FAT3: variants seen among roughly 807,000 people sequenced by gnomAD.
The protein encoded by FAT3 is protocadherin Fat 3.
In FAT3, 95 loss-of-function variants were observed where a neutral mutation model predicts 310.2. That is an observed-to-expected ratio of 0.31 (90% CI 0.26 to 0.36). The LOEUF (loss-of-function observed/expected upper bound fraction) is 0.36, where lower values mean the gene tolerates loss of function less well. FAT3 is among the 10% of genes least tolerant of loss of function. The pLI, the probability that FAT3 is intolerant of heterozygous loss-of-function variation, is 1.00. For synonymous variants in FAT3, 2,314 were observed against 2,192.9 expected, an observed-to-expected ratio of 1.06 and a Z score of -1.54; for missense variants, 5,408 against 5,715.6, an observed-to-expected ratio of 0.95 and a Z score of 1.74.
chr11:92,409,106 T>C (rs1409540066), intron 2 of FAT3, among the ~76,000 whole-genome samples: 1 of 152,238 alleles, frequency 6.6e-6, no homozygotes, highest in Non-Finnish European at 1.5e-5. Flanking sequence ...TCTCTGGGCT[T>C]TCTTCTCGTG....
chr11:92,856,999 T>C (rs1397521467), intron 19 of FAT3, among the ~76,000 whole-genome samples: 1 of 152,204 alleles, frequency 6.6e-6, no homozygotes, highest in East Asian at 1.9e-4. Context: ...GCAGTGAAAT[T>C]TGGCAGATGT....
intron 3 of FAT3, among the ~76,000 whole-genome samples, chr11:92,567,557 G>A (rs1427552487): frequency 1.3e-5 from 2 of 151,042 alleles, no homozygotes; most frequent in African/African-American, 2.4e-5. Flanking sequence ...AAGGACTATA[G>A]ATCATGCTGC....
intron 1 of FAT3, among the ~76,000 whole-genome samples, chr11:92,255,933 A>C (rs1344164056): frequency 6.6e-6 from 1 of 152,172 alleles, no homozygotes; most frequent in Non-Finnish European, 1.5e-5. Context: ...TCATTGCCCA[A>C]AGAGTCGAAA....
chr11:92,817,854 A>G (rs1947862377), intron 13 of FAT3, among the ~76,000 whole-genome samples: 1 of 152,194 alleles, frequency 6.6e-6, no homozygotes, highest in Non-Finnish European at 1.5e-5. Context: ...CTTCTGACAC[A>G]TCTCGCCTTT....
chr11:92,570,856 T>C (rs576715849), intron 3 of FAT3, among the ~76,000 whole-genome samples: 2 of 152,280 alleles, frequency 1.3e-5, no homozygotes, highest in South Asian at 4.1e-4. Flanking sequence ...GAGCAAGATA[T>C]GATTTCAGTG....
At chr11:92,273,084 A>G (rs1946171404) in intron 1 of FAT3, among the ~76,000 whole-genome samples, 2 of 152,036 alleles carry the variant, frequency 1.3e-5, no homozygotes, top group Non-Finnish European at 2.9e-5. Context: ...CTATAAATCA[A>G]TCCTCTATTT....
intron 2 of FAT3, among the ~76,000 whole-genome samples, chr11:92,492,241 TTCCATCCATCCATCCATCCATCCATCCA>T (rs58384100): frequency 3.4e-5 from 5 of 148,732 alleles, no homozygotes; most frequent in African/African-American, 1.2e-4. Flanking sequence ...ATATATATAT[TTCCATCCATCCATCCATCCATCCATCCA>T]TCCATCCATC....
intron 13 of FAT3, among the ~76,000 whole-genome samples, chr11:92,821,453 C>T (rs1477874647): frequency 6.6e-6 from 1 of 152,078 alleles, no homozygotes. Context: ...ATGTATTTTA[C>T]CCCCTTCCCC....
At chr11:92,252,390 G>A (rs1399708470) in intron 1 of FAT3, among the ~76,000 whole-genome samples, 1 of 151,972 alleles carries the variant, frequency 6.6e-6, no homozygotes, top group Non-Finnish European at 1.5e-5. Context: ...TGTGCATCTC[G>A]ACCACACTAA....
intron 1 of FAT3, among the ~76,000 whole-genome samples, chr11:92,329,630 G>C (rs1188735847): frequency 1.1e-5 from 1 of 90,664 alleles, no homozygotes; most frequent in South Asian, 3.2e-4. Context: ...TTTTCTCTTT[G>C]TGAAGACACA....
At chr11:92,823,613 A>G (rs1948026930) in intron 13 of FAT3, among the ~76,000 whole-genome samples, 1 of 152,206 alleles carries the variant, frequency 6.6e-6, no homozygotes, top group Admixed American at 6.5e-5. Context: ...CAGCAGAGCT[A>G]CAGCCAGCCC....
intron 3 of FAT3, among the ~76,000 whole-genome samples, chr11:92,560,061 T>C (rs1184245787): frequency 1.3e-5 from 2 of 152,232 alleles, no homozygotes; most frequent in African/African-American, 4.8e-5. Context: ...GCTGCACCAT[T>C]ATACATCCCA....
At chr11:92,575,032 A>G (rs970769034) in intron 3 of FAT3, among the ~76,000 whole-genome samples, 1 of 152,130 alleles carries the variant, frequency 6.6e-6, no homozygotes, top group South Asian at 2.1e-4. Context: ...CACACAAAAC[A>G]TTATGCCTTA....
At chr11:92,729,647 G>A (rs894929697) in intron 4 of FAT3, among the ~76,000 whole-genome samples, 2 of 151,666 alleles carry the variant, frequency 1.3e-5, no homozygotes, top group African/African-American at 4.8e-5. Flanking sequence ...GGATGGTCTC[G>A]ATCTCCTGAC....
At chr11:92,537,364 G>A (rs1954294864) in intron 3 of FAT3, among the ~76,000 whole-genome samples, 1 of 152,048 alleles carries the variant, frequency 6.6e-6, no homozygotes, top group Non-Finnish European at 1.5e-5. Context: ...CAGTCTCAAG[G>A]GTGTAGTGAA....
At chr11:92,519,871 T>A (rs1953626173) in intron 2 of FAT3, among the ~76,000 whole-genome samples, 1 of 152,136 alleles carries the variant, frequency 6.6e-6, no homozygotes, top group African/African-American at 2.4e-5. Flanking sequence ...CCATGCCAAG[T>A]CAGCCACAAG....
At chr11:92,461,079 A>G (rs1257065138) in intron 2 of FAT3, among the ~76,000 whole-genome samples, 2 of 152,212 alleles carry the variant, frequency 1.3e-5, no homozygotes, top group Non-Finnish European at 2.9e-5. Context: ...AAATTTTGAT[A>G]TTTGGTTTAT....
intron 2 of FAT3, among the ~76,000 whole-genome samples, chr11:92,382,757 G>C (rs7127751): frequency 6.6e-6 from 1 of 152,082 alleles, no homozygotes; most frequent in Non-Finnish European, 1.5e-5. Context: ...AGTTCAATCT[G>C]TCTTAAAGAG....
chr11:92,291,027 GC>G (rs141563811), intron 1 of FAT3, among the ~76,000 whole-genome samples: 198 of 150,060 alleles, frequency 1.3e-3, no homozygotes, highest in African/African-American at 4.7e-3. Flanking sequence ...GTCAACCATA[GC>G]AAAAATATCT....
Sources: gnomAD v4.1 joint callset for allele counts (sites outside exome capture counted in the v4.1 genomes callset) on GRCh38, gnomAD v4.1.1 for gene constraint, MANE v1.5 for transcripts, NCBI Gene and HGNC (gene_info 2026-07-23, HGNC 2026-07-21) for gene names.